Variants in DLC1 observed in about 807,000 individuals in gnomAD.
DLC1 encodes rho GTPase-activating protein 7.
A neutral mutation model predicts 140.3 loss-of-function variants in DLC1; 54 were observed. The observed-to-expected ratio is 0.38, with a 90% CI of 0.31 to 0.48. DLC1 has a LOEUF of 0.48. Ranked by LOEUF, DLC1 falls within the 20% of genes least tolerant of loss-of-function variation. The probability of loss-of-function intolerance (pLI) is 0.96; values close to 1 mark genes in which losing one functional copy is unlikely to be tolerated. For missense variants in DLC1, 2,536 were observed against 1,907.0 expected, an observed-to-expected ratio of 1.33 and a Z score of -6.14; for synonymous variants, 986 against 728.1, an observed-to-expected ratio of 1.35 and a Z score of -5.70.
chr8:13,122,601 G>A (rs577874388), intron 5 of DLC1, among the ~76,000 whole-genome samples: 31 of 152,124 alleles, frequency 2.0e-4, no homozygotes, highest in African/African-American at 5.1e-4. Flanking sequence ...TTAAACATAC[G>A]CAGTTGCCAA....
At chr8:13,194,043 G>T (rs1260839281) in intron 5 of DLC1, among the ~76,000 whole-genome samples, 1 of 152,180 alleles carries the variant, frequency 6.6e-6, no homozygotes, top group Non-Finnish European at 1.5e-5. Flanking sequence ...CAATGATAGA[G>T]AGTGGCTAGG....
chr8:13,250,549 C>T (rs1829958654), intron 5 of DLC1, among the ~76,000 whole-genome samples: 1 of 152,160 alleles, frequency 6.6e-6, no homozygotes, highest in Admixed American at 6.5e-5. Context: ...TGTATTATCA[C>T]CATAGTTTCA....
intron 2 of DLC1, among the ~76,000 whole-genome samples, chr8:13,416,949 C>G (rs960039254): frequency 2.6e-5 from 4 of 151,918 alleles, no homozygotes; most frequent in Non-Finnish European, 5.9e-5. Context: ...TGTTATGTGC[C>G]TTTGTTAAAG....
chr8:13,193,246 G>T (rs1391512389), intron 5 of DLC1, among the ~76,000 whole-genome samples: 1 of 152,092 alleles, frequency 6.6e-6, no homozygotes, highest in African/African-American at 2.4e-5. Flanking sequence ...CTTTTCAAAA[G>T]ACCATAACTT....
chr8:13,169,334 T>A (rs897988559), intron 5 of DLC1, among the ~76,000 whole-genome samples: 4 of 152,224 alleles, frequency 2.6e-5, no homozygotes, highest in Non-Finnish European at 4.4e-5. Flanking sequence ...TCTTGTTGAA[T>A]TACATATGAG....
intron 1 of DLC1, among the ~76,000 whole-genome samples, chr8:13,581,198 C>G (rs796669800): frequency 6.6e-5 from 10 of 152,308 alleles, no homozygotes; most frequent in African/African-American, 2.4e-4. Context: ...AGTGTTAGCT[C>G]ATAATTGCTC....
chr8:13,361,282 C>T (rs1266315449), intron 4 of DLC1, among the ~76,000 whole-genome samples: 1 of 151,910 alleles, frequency 6.6e-6, no homozygotes, highest in East Asian at 1.9e-4. Flanking sequence ...AGGATTTTAC[C>T]CTGTCGTGCA....
upstream of DLC1, among the ~76,000 whole-genome samples, chr8:13,516,169 G>T (rs575492424): frequency 3.3e-5 from 5 of 151,668 alleles, no homozygotes; most frequent in African/African-American, 9.7e-5. Flanking sequence ...CATTTTTTTG[G>T]GGGGGGACTG....
chr8:13,502,598 T>C (rs559488476), intron 1 of DLC1, among the ~76,000 whole-genome samples: 1 of 152,300 alleles, frequency 6.6e-6, no homozygotes, highest in South Asian at 2.1e-4. Context: ...CACATCTGAG[T>C]TTATAGGTCT....
chr8:13,565,584 C>A (rs758881072), intron 1 of DLC1, among the ~76,000 whole-genome samples: 6 of 152,060 alleles, frequency 3.9e-5, no homozygotes, highest in Non-Finnish European at 7.4e-5. Context: ...GGCTCATATA[C>A]TTGAGAGATG....
intron 10 of DLC1, among the ~76,000 whole-genome samples, chr8:13,096,781 G>A (rs562255191): frequency 4.0e-4 from 61 of 152,304 alleles, no homozygotes; most frequent in Middle Eastern, 3.4e-3. Context: ...TTGCTTTGCC[G>A]ACTTTCTCAA....
At chr8:13,345,547 C>CTTTTTTTTTT (rs535092622) in intron 4 of DLC1, among the ~76,000 whole-genome samples, 881 of 67,472 alleles carry the variant, frequency 0.013, 115 homozygotes, top group South Asian at 0.036. Context: ...TTCACTCACA[C>CTTTTTTTTTT]TTTTTTTTTT....
chr8:13,136,851 T>C (rs866229746), intron 5 of DLC1, among the ~76,000 whole-genome samples: 2 of 152,208 alleles, frequency 1.3e-5, no homozygotes, highest in Non-Finnish European at 2.9e-5. Flanking sequence ...ATTCTCTTTT[T>C]TCATGGCTGT....
chr8:13,501,914 G>A (rs1054422846), intron 1 of DLC1, among the ~76,000 whole-genome samples: 1 of 152,146 alleles, frequency 6.6e-6, no homozygotes, highest in African/African-American at 2.4e-5. Context: ...GGGCACATTT[G>A]GGAGGTAATA....
chr8:13,535,455 G>A (rs10087859), intron 1 of DLC1, among the ~76,000 whole-genome samples: 26,159 of 151,918 alleles, frequency 0.17, 4,595 homozygotes, highest in East Asian at 0.46. Flanking sequence ...CTTGTTTACT[G>A]TAATAGTGTA....
chr8:13,597,093 C>G (rs551791435), intron 1 of DLC1, among the ~76,000 whole-genome samples: 1 of 152,012 alleles, frequency 6.6e-6, no homozygotes, highest in Non-Finnish European at 1.5e-5. Flanking sequence ...AATATGTCCA[C>G]TTGGACTTTG....
chr8:13,507,605 C>T (rs915035181), intron 1 of DLC1, among the ~76,000 whole-genome samples: 1 of 152,140 alleles, frequency 6.6e-6, no homozygotes, highest in African/African-American at 2.4e-5. Flanking sequence ...AATCATTATT[C>T]CTCTACTTTT....
intron 2 of DLC1, among the ~76,000 whole-genome samples, chr8:13,460,243 T>C (rs989976869): frequency 1.3e-5 from 2 of 152,206 alleles, no homozygotes; most frequent in Non-Finnish European, 2.9e-5. Flanking sequence ...ATCTCTCTGA[T>C]TGCCTCACAG....
At chr8:13,551,039 T>A (rs1803826999) in intron 1 of DLC1, among the ~76,000 whole-genome samples, 1 of 100,082 alleles carries the variant, frequency 1.0e-5, no homozygotes, top group Non-Finnish European at 2.0e-5. Context: ...ACTCCTCAGA[T>A]TTCTTTAAAC....
Sources: allele counts gnomAD v4.1 joint callset (sites outside exome capture counted in the v4.1 genomes callset), GRCh38; gene constraint gnomAD v4.1.1; transcripts MANE v1.5; gene names NCBI Gene and HGNC (gene_info 2026-07-23, HGNC 2026-07-21).